Variants in ROBO1 observed in about 807,000 individuals in gnomAD.
ROBO1 encodes roundabout homolog 1.
A neutral mutation model predicts 195.9 loss-of-function variants in ROBO1; 149 were observed. The observed-to-expected ratio is 0.76, with a 90% CI of 0.67 to 0.87. The LOEUF is 0.87. Among genes scored for constraint, ROBO1 ranks in the 40% least tolerant of loss-of-function variants. ROBO1 has a pLI of 0.00. For missense variants in ROBO1, 1,933 were observed against 2,068.3 expected (o/e 0.93, Z 1.27); for synonymous variants, 816 against 733.2 (o/e 1.11, Z -1.82).
chr3:79,299,493 G>A lies in ROBO1; in HGVS notation c.89-173954C>T, dbSNP rs539717523. On this transcript the variant is annotated intron_variant, in intron 2 of 30. Coordinates refer to ENST00000464233, the MANE Select transcript of ROBO1 (RefSeq NM_002941.4). The stretch of plus-strand genomic sequence containing the variant: ...TTTATTATATAAATAAGCTATGCAT[G>A]CTGTAATATATGCTCTTGCAGATGT... Among the ~76,000 whole-genome samples, 3 of 152,226 alleles carry A rather than the reference G, an allele frequency of 2.0e-5. No individual in the cohort carries two copies. In the East Asian group the frequency reaches 5.8e-4, roughly 29 times the overall value.
At chr3:78,644,950 C>T (rs756824192) in intron 21 of ROBO1, among the ~76,000 whole-genome samples, 4 of 152,116 alleles carry the variant, frequency 2.6e-5, no homozygotes, top group African/African-American at 7.2e-5. Flanking sequence ...GATTCACCCA[C>T]GAGAAAATGT....
chr3:79,231,001 A>T (rs1180715867), intron 2 of ROBO1, among the ~76,000 whole-genome samples: 3 of 152,164 alleles, frequency 2.0e-5, no homozygotes, highest in Admixed American at 6.6e-5. Flanking sequence ...TGGTGCTGGG[A>T]TAACTGACTA....
chr3:78,753,952 A>G (rs1036607600), intron 4 of ROBO1, among the ~76,000 whole-genome samples: 2 of 152,188 alleles, frequency 1.3e-5, no homozygotes, highest in African/African-American at 4.8e-5. Context: ...TTTTTACAGG[A>G]CATCATTTTA....
intron 4 of ROBO1, among the ~76,000 whole-genome samples, chr3:78,798,506 T>G (rs1344275017): frequency 6.6e-6 from 1 of 152,238 alleles, no homozygotes; most frequent in Non-Finnish European, 1.5e-5. Flanking sequence ...GCAAGCTGAA[T>G]GTGAAGAACA....
intron 3 of ROBO1, among the ~76,000 whole-genome samples, chr3:79,054,362 A>G (rs934187846): frequency 1.3e-5 from 2 of 152,138 alleles, no homozygotes; most frequent in Admixed American, 1.3e-4. Flanking sequence ...ATGCTGTTGA[A>G]AAATTTGTCT....
chr3:79,343,013 C>T (rs1051281749), intron 2 of ROBO1, among the ~76,000 whole-genome samples: 1 of 152,136 alleles, frequency 6.6e-6, no homozygotes, highest in South Asian at 2.1e-4. Flanking sequence ...TATCCATTCC[C>T]TCTCTCACAC....
At chr3:79,673,900 C>T (rs992774626) in intron 1 of ROBO1, among the ~76,000 whole-genome samples, 5 of 151,940 alleles carry the variant, frequency 3.3e-5, no homozygotes, top group African/African-American at 9.7e-5. Flanking sequence ...TAAAGAAAGA[C>T]ACATACAAAA....
intron 26 of ROBO1, among the ~76,000 whole-genome samples, chr3:78,620,193 C>T (rs994217297): frequency 6.6e-6 from 1 of 151,948 alleles, no homozygotes; most frequent in East Asian, 1.9e-4. Context: ...TGATATGGCA[C>T]AGTTTTTAGG....
chr3:78,990,003 T>C (rs573554974), intron 3 of ROBO1, among the ~76,000 whole-genome samples: 104 of 152,148 alleles, frequency 6.8e-4, no homozygotes, highest in Non-Finnish European at 3.7e-4. Context: ...GCCTTTTGAT[T>C]AAAGAATTGT....
At chr3:79,505,041 T>G (rs12634596) in intron 2 of ROBO1, among the ~76,000 whole-genome samples, 1 of 150,288 alleles carries the variant, frequency 6.7e-6, no homozygotes, top group Admixed American at 6.6e-5. Flanking sequence ...AAAAAAAAAC[T>G]TTTTGAATAT....
chr3:78,965,773 T>C (rs1165664178), intron 3 of ROBO1, among the ~76,000 whole-genome samples: 2 of 152,214 alleles, frequency 1.3e-5, no homozygotes, highest in African/African-American at 4.8e-5. Context: ...ATAACAATTA[T>C]ACTGGAGCAA....
At chr3:78,905,122 C>T (rs2037824735) in intron 4 of ROBO1, among the ~76,000 whole-genome samples, 1 of 151,994 alleles carries the variant, frequency 6.6e-6, no homozygotes, top group East Asian at 1.9e-4. Context: ...TATAGAAACA[C>T]CAGAAATATT....
At chr3:78,599,878 C>T (rs1050172352) in intron 30 of ROBO1, among the ~76,000 whole-genome samples, 2 of 152,202 alleles carry the variant, frequency 1.3e-5, no homozygotes, top group East Asian at 3.9e-4. Context: ...TGAAAATCTG[C>T]AAATGAAGAT....
chr3:79,493,352 T>C (rs1031972047), intron 2 of ROBO1, among the ~76,000 whole-genome samples: 1 of 151,948 alleles, frequency 6.6e-6, no homozygotes, highest in Non-Finnish European at 1.5e-5. Context: ...TGAATTTCTA[T>C]GGTGGATGTA....
At chr3:79,162,832 G>T (rs908959516) in intron 2 of ROBO1, among the ~76,000 whole-genome samples, 4 of 152,014 alleles carry the variant, frequency 2.6e-5, no homozygotes, top group Admixed American at 1.3e-4. Flanking sequence ...AGAGAAATTG[G>T]GTACTGCTCT....
chr3:79,195,168 A>G lies in ROBO1; in HGVS notation c.89-69629T>C, dbSNP rs138057386. On this transcript the variant is annotated intron_variant, in intron 2 of 30. Transcript: ENST00000464233. ...TGTGGCTGGTCATTTGACTACTCCA[A>G]AGATCAGTACTGTCATAAGAAAAAT... Among the ~76,000 whole-genome samples, 100 of 151,680 alleles carry G rather than the reference A, an allele frequency of 6.6e-4. 1 individual carries two copies. The East Asian group carries it at 0.019, about 29-fold the overall frequency.
chr3:79,570,562 A>C (rs185647501), intron 2 of ROBO1, among the ~76,000 whole-genome samples: 17 of 152,132 alleles, frequency 1.1e-4, no homozygotes, highest in Non-Finnish European at 2.2e-4. Flanking sequence ...AATTTCATAC[A>C]AGTTAATTAA....
At chr3:78,850,054 C>T (rs1174768373) in intron 4 of ROBO1, among the ~76,000 whole-genome samples, 1 of 152,120 alleles carries the variant, frequency 6.6e-6, no homozygotes, top group Non-Finnish European at 1.5e-5. Context: ...ACATGCTGTA[C>T]AGGTCTGTGG....
intron 10 of ROBO1, among the ~76,000 whole-genome samples, chr3:78,680,514 T>G (rs2080871473): frequency 6.6e-6 from 1 of 151,746 alleles, no homozygotes; most frequent in Non-Finnish European, 1.5e-5. Context: ...CATCAAAAAG[T>G]GGGCGAAGGA....
Sources: allele counts gnomAD v4.1 joint callset (sites outside exome capture counted in the v4.1 genomes callset), GRCh38; gene constraint gnomAD v4.1.1; transcripts MANE v1.5; gene names NCBI Gene and HGNC (gene_info 2026-07-23, HGNC 2026-07-21).